CACNA1A: variants seen among roughly 807,000 people sequenced by gnomAD.
CACNA1A encodes calcium voltage-gated channel subunit alpha1 A.
A neutral mutation model predicts 262.4 loss-of-function variants in CACNA1A; 57 were observed. That is an observed-to-expected ratio of 0.22 (90% confidence interval 0.18 to 0.27). CACNA1A has a LOEUF of 0.27. Ranked by LOEUF, CACNA1A falls within the 10% of genes least tolerant of loss-of-function variation. CACNA1A has a pLI of 1.00. For synonymous variants in CACNA1A, 1,431 were observed against 1,419.3 expected, an observed-to-expected ratio of 1.01 and a Z score of -0.18; for missense variants, 2,526 against 3,562.8, an observed-to-expected ratio of 0.71 and a Z score of 7.41.
chr19:13,361,612 A>G lies in CACNA1A; in HGVS notation c.785-1813T>C, dbSNP rs547404099. Reference sequence around the variant, plus strand: ...ATTCTCTGCTCCCTTGACTGAGCACACAGCAGAGGGAAATAAACCAATGCT... The same window carrying G: ...ATTCTCTGCTCCCTTGACTGAGCACGCAGCAGAGGGAAATAAACCAATGCT... On this transcript the variant is annotated intron_variant, in intron 5 of 46. Transcript: ENST00000360228. 1.1e-4 allele frequency among the ~76,000 whole-genome samples: 16 copies of G among 152,346 alleles called. 1 individual carries two copies. The South Asian group carries it at 3.3e-3, about 32-fold the overall frequency.
At chr19:13,407,468 G>A (rs1365238035) in intron 3 of CACNA1A, among the ~76,000 whole-genome samples, 1 of 152,164 alleles carries the variant, frequency 6.6e-6, no homozygotes, top group Non-Finnish European at 1.5e-5. Context: ...TCACAGGCTT[G>A]TTACAAGAAT....
rs185705396 is a variant in CACNA1A, at chr19:13,432,272, G to A, written c.539+20604C>T. ...TCTACTAAAAATACAAAAATTAGCC[G>A]GGCCTGGTGGCAAGCACCTGTAACC... On this transcript the variant is annotated intron_variant, in intron 3 of 46. Coordinates refer to ENST00000360228, the MANE Select transcript of CACNA1A (RefSeq NM_001127222.2). 4.2e-3 allele frequency among the ~76,000 whole-genome samples: 638 copies of A among 151,124 alleles called. 4 individuals are homozygous for A. Among genetic ancestry groups the A allele is most frequent in the African/African-American group, 0.015 (610 of 41,148 alleles).
chr19:13,390,064 C>T (rs1451438340), intron 3 of CACNA1A, among the ~76,000 whole-genome samples: 3 of 151,990 alleles, frequency 2.0e-5, no homozygotes, highest in African/African-American at 4.8e-5. Flanking sequence ...CTGCCCATCT[C>T]GGCTTCCCAA....
chr19:13,229,796 C>T (rs1288905229), intron 36 of CACNA1A: 3 of 293,062 alleles, frequency 1.0e-5, no homozygotes, highest in Non-Finnish European at 1.9e-5. Context: ...CAGTGAGAGA[C>T]AGGAGAGACT....
At chr19:13,295,797 G>C (rs889434705) in intron 19 of CACNA1A, among the ~76,000 whole-genome samples, 2 of 152,094 alleles carry the variant, frequency 1.3e-5, no homozygotes, top group African/African-American at 2.4e-5. Flanking sequence ...ACCTGATCCT[G>C]TGCTTTTAGT....
At chr19:13,455,264 G>A in intron 1 of CACNA1A, 52 bp from the exon 2 acceptor site, 2 of 1,108,658 alleles carry the variant, frequency 1.8e-6, no homozygotes. Flanking sequence ...GGGTGTTGGA[G>A]GTGCACCCAC....
At chr19:13,324,522 T>C (rs549097009) in intron 10 of CACNA1A, among the ~76,000 whole-genome samples, 3 of 152,298 alleles carry the variant, frequency 2.0e-5, no homozygotes, top group African/African-American at 7.2e-5. Context: ...CTATGATGTA[T>C]ACATAGATTA....
intron 3 of CACNA1A, among the ~76,000 whole-genome samples, chr19:13,392,001 C>T (rs1187306912): frequency 1.4e-5 from 2 of 139,726 alleles, no homozygotes; most frequent in African/African-American, 5.4e-5. Context: ...CATGCTACTG[C>T]ACTTGGTTGA....
chr19:13,497,570 A>T (rs1284318303), intron 1 of CACNA1A, among the ~76,000 whole-genome samples: 1 of 36,960 alleles, frequency 2.7e-5, no homozygotes, highest in Non-Finnish European at 4.9e-5. Flanking sequence ...ATATATATAT[A>T]TATATATATA....
Position 13,236,404 on chromosome 19 carries a change from G to T in CACNA1A, c.4951-674C>A, listed in dbSNP as rs959155631. On this transcript the variant is annotated intron_variant, in intron 31 of 46. Coordinates refer to ENST00000360228, the MANE Select transcript of CACNA1A (RefSeq NM_001127222.2). This position sits in a 1 kb window ranked among gnomAD's most constrained non-coding sequence, Gnocchi z 4.6. ...CCTCACCCCACGGCCAAGAGGAGCA[G>T]CGGCTCGAGCCAATTGGGAGAAGCG... is the stretch of plus-strand genomic sequence containing the variant. 6.5e-6 allele frequency: 1 copy of T among 153,322 alleles called. No individual in the cohort carries two copies. Among genetic ancestry groups the T allele is most frequent in the African/African-American group, 2.4e-5 (1 of 41,478 alleles). The allele number at this position is 153,322 out of a possible 1,614,324, so 9.5% of individuals were successfully genotyped here.
intron 3 of CACNA1A, among the ~76,000 whole-genome samples, chr19:13,445,416 C>T (rs550489922): frequency 6.6e-6 from 1 of 152,338 alleles, no homozygotes; most frequent in African/African-American, 2.4e-5. Context: ...CTATTTCTAT[C>T]AGTGTGTTGG....
rs1036442207 is a variant in CACNA1A at position 13,413,643 on chromosome 19, C to T, written c.539+39233G>A. Among the ~76,000 whole-genome samples the T allele has an allele frequency of 1.8e-4, 26 of 140,820 alleles. 1 individual carries two copies. The highest frequency in any genetic ancestry group is 6.3e-4 in the African/African-American group (24 of 37,968). The allele number at this position is 140,820 out of a possible 152,430, so 92.4% of individuals were successfully genotyped here. ...CTGTTAATCCCAACACTTTGGGAGG[C>T]TGAGGTGGGAGGATCACCTGAGGTC... On this transcript the variant is annotated intron_variant, in intron 3 of 46. Transcript: ENST00000360228.
chr19:13,335,222 C>T (rs1472123815), intron 7 of CACNA1A, among the ~76,000 whole-genome samples: 6 of 152,126 alleles, frequency 3.9e-5, no homozygotes, highest in Admixed American at 3.9e-4. Flanking sequence ...TGCCATAGGT[C>T]CCACCTCTTC....
At position 13,506,343 on chromosome 19, in the gene CACNA1A, T is replaced by C. The variant is rs1425859107; in HGVS notation, c.-119A>G. On this transcript the variant is annotated 5_prime_UTR_variant, in exon 1 of 47. Transcript: ENST00000360228. Reference sequence around the variant, plus strand: ...GGGCTGGGAGCGCGGCGGCTGGAGCTACGACTGCGGAGACGCTCCACGGCC... The same window carrying C: ...GGGCTGGGAGCGCGGCGGCTGGAGCCACGACTGCGGAGACGCTCCACGGCC... 4.2e-6 allele frequency: 4 copies of C among 942,908 alleles called. No homozygotes were observed. The highest frequency in any genetic ancestry group is 8.0e-5 in the Admixed American group (2 of 25,036). The allele number at this position is 942,908 out of a possible 1,614,324, so 58.4% of individuals were successfully genotyped here. A position where few individuals can be genotyped will look rare whatever the true frequency, so the allele number is the denominator to read the frequency against.
chr19:13,265,347 C>T (rs2056835831), intron 24 of CACNA1A, among the ~76,000 whole-genome samples: 2 of 152,216 alleles, frequency 1.3e-5, no homozygotes, highest in Admixed American at 6.5e-5. Flanking sequence ...ACCCCCATCA[C>T]GATGGGTCTC....
At chr19:13,451,976 C>A (rs1294304302) in intron 3 of CACNA1A, 1 of 152,108 alleles carries the variant, frequency 6.6e-6, no homozygotes, top group East Asian at 1.9e-4. Flanking sequence ...GCATGTACCA[C>A]CATGCCTGGT....
chr19:13,488,993 C>CTTT (rs1568698257), intron 1 of CACNA1A, among the ~76,000 whole-genome samples: 1 of 107,118 alleles, frequency 9.3e-6, no homozygotes, highest in African/African-American at 4.7e-5. Flanking sequence ...TAATTAATTT[C>CTTT]TTTTCTTTTC....
intron 36 of CACNA1A, among the ~76,000 whole-genome samples, chr19:13,227,926 T>TC: frequency 7.6e-6 from 1 of 131,406 alleles, no homozygotes; most frequent in Non-Finnish European, 1.6e-5. Flanking sequence ...TTTTTTTTTT[T>TC]TTAAAGAGAC....
At chr19:13,288,546 C>T (rs1050999642) in intron 19 of CACNA1A, among the ~76,000 whole-genome samples, 6 of 152,084 alleles carry the variant, frequency 3.9e-5, no homozygotes, top group South Asian at 4.1e-4. Context: ...TATAGAGCCA[C>T]CGTGCCTGGC....
Sources: allele counts gnomAD v4.1 joint callset (sites outside exome capture counted in the v4.1 genomes callset), GRCh38; gene constraint gnomAD v4.1.1; non-coding constraint Gnocchi (gnomAD v3.1); transcripts MANE v1.5; gene names NCBI Gene and HGNC (gene_info 2026-07-23, HGNC 2026-07-21).